Variants in RASSF8 observed in about 807,000 individuals in gnomAD.
RASSF8 encodes ras association domain-containing protein 8.
A neutral mutation model predicts 48.5 loss-of-function variants in RASSF8; 22 were observed. The observed-to-expected ratio is 0.45, with a 90% confidence interval of 0.32 to 0.65. The LOEUF is 0.65. Ranked by LOEUF, RASSF8 falls within the 30% of genes least tolerant of loss-of-function variation. The pLI is 0.03. For missense variants in RASSF8, 418 were observed against 489.2 expected, an observed-to-expected ratio of 0.85 and a Z score of 1.37; for synonymous variants, 127 against 171.5, an observed-to-expected ratio of 0.74 and a Z score of 2.03.
At position 26,071,304 on chromosome 12, in the gene RASSF8, G is replaced by C; in HGVS notation, c.*2486G>C. The C allele has an allele frequency of 2.6e-5, 26 of 982,260 alleles. No individual in the cohort carries two copies. Among genetic ancestry groups the C allele is most frequent in the Non-Finnish European group, 3.1e-5 (26 of 827,172 alleles). 60.8% of individuals were successfully genotyped at this position (982,260 alleles called of 1,614,324 possible). ...TGCCACATCCTGGATACATTTCGGAGGGGTAGTGGGCAATGGTATACAAAA... is the reference window on the plus strand; with the variant it reads ...TGCCACATCCTGGATACATTTCGGACGGGTAGTGGGCAATGGTATACAAAA... On this transcript the variant is annotated 3_prime_UTR_variant, in exon 6 of 6. Transcript: ENST00000689635.
intron 2 of RASSF8, among the ~76,000 whole-genome samples, chr12:26,042,696 G>C (rs7980111): frequency 0.85 from 128,454 of 152,008 alleles, 54,380 homozygotes; most frequent in East Asian, 0.99. Context: ...TTGAGCATTT[G>C]CTGTCCCTGA....
At chr12:26,039,615 C>T (rs180805805) in intron 2 of RASSF8, among the ~76,000 whole-genome samples, 3 of 152,086 alleles carry the variant, frequency 2.0e-5, no homozygotes, top group African/African-American at 4.8e-5. Context: ...TGTAATTAAC[C>T]TGTTGCCTAT....
In RASSF8 at chr12:26,069,772, T is replaced by A. The variant is rs893223122; in HGVS notation, c.*954T>A. ...AAAATAACCCGCTTCATATGTATGA[T>A]CTGTTGGTGTACACACCATGGGTAA... is the stretch of plus-strand genomic sequence containing the variant. On this transcript the variant is annotated 3_prime_UTR_variant, in exon 6 of 6. Transcript: ENST00000689635. 2.0e-6 allele frequency: 2 copies of A among 985,104 alleles called. No homozygotes were observed. Among genetic ancestry groups the A allele is most frequent in the Admixed American group, 6.1e-5 (1 of 16,270 alleles). 61.0% of individuals were successfully genotyped at this position (985,104 alleles called of 1,614,324 possible).
chr12:26,034,496 C>T (rs958008710), intron 2 of RASSF8, among the ~76,000 whole-genome samples: 63 of 151,918 alleles, frequency 4.1e-4, no homozygotes, highest in Non-Finnish European at 5.1e-4. Context: ...GCATGCAGCC[C>T]GCAGGCCACA....
chr12:26,063,945 C>G (rs1461762486), intron 3 of RASSF8, among the ~76,000 whole-genome samples: 1 of 152,078 alleles, frequency 6.6e-6, no homozygotes, highest in East Asian at 1.9e-4. Flanking sequence ...GAGAGGAGAC[C>G]TGGGCACCTC....
In RASSF8 at chr12:26,020,685, C is replaced by G. The variant is rs74073220; in HGVS notation, c.-109+25555C>G. ...ACAATATTTAAGTTTAAAAAAAAGA[C>G]TACCATTTAATACACAGACTTAAAA... On this transcript the variant is annotated intron_variant, in intron 2 of 5. Transcript: ENST00000689635. 1.4e-3 allele frequency among the ~76,000 whole-genome samples: 207 copies of G among 152,114 alleles called. 1 individual carries two copies. Among genetic ancestry groups the G allele is most frequent in the African/African-American group, 4.8e-3 (198 of 41,520 alleles).
At chr12:26,012,816 G>A (rs1428906662) in intron 2 of RASSF8, among the ~76,000 whole-genome samples, 1 of 151,742 alleles carries the variant, frequency 6.6e-6, no homozygotes, top group African/African-American at 2.4e-5. Context: ...ATGTAGTTGG[G>A]ACCACAGGCC....
At chr12:26,046,879 T>G (rs1943383604) in intron 2 of RASSF8, among the ~76,000 whole-genome samples, 1 of 152,232 alleles carries the variant, frequency 6.6e-6, no homozygotes, top group Non-Finnish European at 1.5e-5. Context: ...TTTTCACTAA[T>G]TTTGTTTTTC....
At chr12:25,978,124 G>A (rs16929810) in intron 1 of RASSF8, among the ~76,000 whole-genome samples, 8,464 of 152,142 alleles carry the variant, frequency 0.056, 349 homozygotes, top group African/African-American at 0.12. Context: ...GTCCTGTCGT[G>A]GAAACAAAGA....
chr12:26,032,181 T>C (rs1009247415), intron 2 of RASSF8, among the ~76,000 whole-genome samples: 3 of 152,202 alleles, frequency 2.0e-5, no homozygotes, highest in Admixed American at 2.0e-4. Flanking sequence ...TTATCCTTTC[T>C]TGTGATGAGC....
Position 26,072,335 on chromosome 12 carries a change from A to G in RASSF8, c.*3517A>G, listed in dbSNP as rs1311187976. Reference sequence around the variant, plus strand: ...GTATCAAAAAGACAAAACAATCACTATTTATTCAGTATTGCTGCTTTACAT... The same window carrying G: ...GTATCAAAAAGACAAAACAATCACTGTTTATTCAGTATTGCTGCTTTACAT... On this transcript the variant is annotated 3_prime_UTR_variant, in exon 6 of 6. Coordinates refer to ENST00000689635, the MANE Select transcript of RASSF8 (RefSeq NM_001394098.1). 1.3e-5 allele frequency: 13 copies of G among 985,260 alleles called. No individual in the cohort carries two copies. The highest frequency in any genetic ancestry group is 1.6e-5 in the Non-Finnish European group (13 of 829,912). 61.0% of individuals were successfully genotyped at this position (985,260 alleles called of 1,614,324 possible).
At chr12:26,045,056 G>T (rs1943343716) in intron 2 of RASSF8, among the ~76,000 whole-genome samples, 1 of 152,020 alleles carries the variant, frequency 6.6e-6, no homozygotes, top group South Asian at 2.1e-4. Context: ...TTATTTAATT[G>T]GCTTAGATTT....
intron 1 of RASSF8, among the ~76,000 whole-genome samples, chr12:25,974,710 A>G (rs1941564988): frequency 1.3e-5 from 2 of 152,172 alleles, no homozygotes; most frequent in African/African-American, 2.4e-5. Context: ...CATTTATGGT[A>G]GTATTGTTTC....
chr12:26,023,449 A>G (rs1942833747), intron 2 of RASSF8, among the ~76,000 whole-genome samples: 2 of 152,236 alleles, frequency 1.3e-5, no homozygotes, highest in African/African-American at 4.8e-5. Context: ...CTCATCGGAA[A>G]CAATGAAAAT....
chr12:25,981,478 G>A (rs530265213), intron 1 of RASSF8, among the ~76,000 whole-genome samples: 23 of 152,256 alleles, frequency 1.5e-4, no homozygotes, highest in African/African-American at 5.1e-4. Context: ...GACAAAGAAC[G>A]AATCTCCTGG....
At chr12:25,975,608 T>A (rs751828407) in intron 1 of RASSF8, among the ~76,000 whole-genome samples, 3 of 152,220 alleles carry the variant, frequency 2.0e-5, no homozygotes, top group Non-Finnish European at 4.4e-5. Flanking sequence ...CTTGTAGTGG[T>A]TGATGTTACA....
At chr12:25,998,274 G>T (rs968608130) in intron 2 of RASSF8, among the ~76,000 whole-genome samples, 2 of 151,830 alleles carry the variant, frequency 1.3e-5, no homozygotes, top group African/African-American at 4.8e-5. Flanking sequence ...AGCTTACTTT[G>T]AGAAATTTGT....
intron 3 of RASSF8, among the ~76,000 whole-genome samples, chr12:26,060,833 AC>A (rs1943726875): frequency 6.6e-6 from 1 of 152,184 alleles, no homozygotes; most frequent in Non-Finnish European, 1.5e-5. Context: ...GTCAGGTGTT[AC>A]TGACATTATT....
intron 1 of RASSF8, among the ~76,000 whole-genome samples, chr12:25,986,043 G>A (rs1037846462): frequency 6.6e-6 from 1 of 152,198 alleles, no homozygotes; most frequent in African/African-American, 2.4e-5. Context: ...GAAGTGTTTG[G>A]TGAAGTTTTT....
Sources: gnomAD v4.1 joint callset for allele counts (sites outside exome capture counted in the v4.1 genomes callset) on GRCh38, gnomAD v4.1.1 for gene constraint, MANE v1.5 for transcripts, NCBI Gene and HGNC (gene_info 2026-07-23, HGNC 2026-07-21) for gene names.